The following CRACD variants were observed in gnomAD, a reference collection of about 807,000 sequenced individuals.
The protein encoded by CRACD is capping protein inhibiting regulator of actin dynamics, also known as capping protein-inhibiting regulator of actin dynamics.
Under a neutral mutation model 106.8 loss-of-function variants are expected in CRACD, and 56 were observed. That is an observed-to-expected ratio of 0.52 (90% CI 0.42 to 0.66). CRACD has a LOEUF of 0.66. Ranked by LOEUF, CRACD falls within the 30% of genes least tolerant of loss-of-function variation. CRACD has a pLI of 0.00. For missense variants in CRACD, 1,730 were observed against 1,623.2 expected (o/e 1.07, Z -1.13); for synonymous variants, 754 against 670.8 (o/e 1.12, Z -1.92).
At chr4:56,102,930 T>A (rs1279659068) in intron 1 of CRACD, among the ~76,000 whole-genome samples, 2 of 152,200 alleles carry the variant, frequency 1.3e-5, no homozygotes, top group East Asian at 3.9e-4. Flanking sequence ...CTTTCTGGAC[T>A]CCCCTACTTT....
intron 2 of CRACD, among the ~76,000 whole-genome samples, chr4:56,255,007 G>A (rs1031505748): frequency 4.6e-5 from 7 of 150,870 alleles, no homozygotes; most frequent in South Asian, 2.1e-4. Context: ...CCAGCTACTC[G>A]GGAGACTGAG....
At chr4:56,073,878 G>A (rs1049956983) in intron 1 of CRACD, among the ~76,000 whole-genome samples, 1 of 152,118 alleles carries the variant, frequency 6.6e-6, no homozygotes, top group Admixed American at 6.6e-5. Context: ...GTTAATTTTT[G>A]TATAAGGTGT....
At chr4:56,205,237 C>T (rs1216243627) in intron 2 of CRACD, among the ~76,000 whole-genome samples, 1 of 152,108 alleles carries the variant, frequency 6.6e-6, no homozygotes, top group Non-Finnish European at 1.5e-5. Context: ...GTAATGCGTA[C>T]ACCCAGAAAG....
chr4:56,265,656 A>T (rs193092303), intron 2 of CRACD, among the ~76,000 whole-genome samples: 11 of 152,300 alleles, frequency 7.2e-5, no homozygotes, highest in Admixed American at 7.2e-4. Context: ...CGATAACAGC[A>T]TATTAAAGAC....
intron 1 of CRACD, among the ~76,000 whole-genome samples, chr4:56,100,955 A>G (rs1432659856): frequency 6.6e-6 from 1 of 152,192 alleles, no homozygotes; most frequent in East Asian, 1.9e-4. Context: ...TAAAACCTCA[A>G]CTTGGATTAA....
chr4:56,257,526 GA>G (rs533700935), intron 2 of CRACD, among the ~76,000 whole-genome samples: 74,445 of 123,054 alleles, frequency 0.6, 20,652 homozygotes, highest in East Asian at 0.83. Context: ...TGTCTCTACA[GA>G]AAAAAAAAAA....
At chr4:56,052,496 C>T (rs766813252) in intron 1 of CRACD, among the ~76,000 whole-genome samples, 2 of 152,184 alleles carry the variant, frequency 1.3e-5, no homozygotes, top group Non-Finnish European at 1.5e-5. Flanking sequence ...TGGTTTACAA[C>T]ATCAATTGGA....
At chr4:56,308,515 G>C (rs936004000) in intron 5 of CRACD, among the ~76,000 whole-genome samples, 1 of 151,872 alleles carries the variant, frequency 6.6e-6, no homozygotes, top group East Asian at 1.9e-4. Flanking sequence ...CATTCTCTAG[G>C]CTCTGCCTAT....
intron 5 of CRACD, 137 bp downstream of exon 5, chr4:56,307,836 T>C (rs1357197491): frequency 3.4e-5 from 27 of 790,278 alleles, no homozygotes; most frequent in Non-Finnish European, 4.2e-5. Context: ...TTGAGGGCAC[T>C]TCCTGGTAGG....
At chr4:56,174,429 G>A (rs942874365) in intron 1 of CRACD, among the ~76,000 whole-genome samples, 6 of 151,938 alleles carry the variant, frequency 3.9e-5, no homozygotes, top group South Asian at 2.1e-4. Flanking sequence ...TCAACTCCTC[G>A]TCATCCCCCT....
Position 56,172,000 on chromosome 4 carries a change from G to A in CRACD, c.-335-7284G>A, listed in dbSNP as rs76696605. 1.7e-4 allele frequency among the ~76,000 whole-genome samples: 25 copies of A among 145,968 alleles called. No individual in the cohort carries two copies. The East Asian group carries it at 4.9e-3, about 29-fold the overall frequency. On this transcript the variant is annotated intron_variant, in intron 1 of 10. Transcript: ENST00000682029. Reference sequence around the variant, plus strand: ...TTCTGTACTCCTGCTGGTGCGTGGAGGTATCTTTTGAGGGTTTCTCTTTTT... The same window carrying A: ...TTCTGTACTCCTGCTGGTGCGTGGAAGTATCTTTTGAGGGTTTCTCTTTTT...
At chr4:56,266,102 T>C (rs1028025870) in intron 2 of CRACD, among the ~76,000 whole-genome samples, 6 of 151,762 alleles carry the variant, frequency 4.0e-5, no homozygotes, top group African/African-American at 1.2e-4. Context: ...TATTGGATGA[T>C]GAAAATAAAT....
At chr4:56,196,264 T>A (rs907062956) in intron 2 of CRACD, 1 of 152,746 alleles carries the variant, frequency 6.5e-6, no homozygotes, top group Non-Finnish European at 1.5e-5. Context: ...CAGGACAGAA[T>A]TGATAACAGT....
chr4:56,317,108 G>A (rs1745725933), intron 8 of CRACD, among the ~76,000 whole-genome samples: 1 of 152,188 alleles, frequency 6.6e-6, no homozygotes, highest in Admixed American at 6.5e-5. Flanking sequence ...GCCTATGTTA[G>A]ATACTAGGGA....
At chr4:56,260,822 G>A (rs1015785210) in intron 2 of CRACD, among the ~76,000 whole-genome samples, 2 of 152,072 alleles carry the variant, frequency 1.3e-5, no homozygotes, top group Non-Finnish European at 2.9e-5. Context: ...CTTGGTATGA[G>A]CCAACTCCTT....
At chr4:56,257,423 C>T (rs970101777) in intron 2 of CRACD, among the ~76,000 whole-genome samples, 3 of 151,324 alleles carry the variant, frequency 2.0e-5, no homozygotes, top group Middle Eastern at 6.8e-3. Flanking sequence ...GGTGCAGTGG[C>T]TAACACCTGT....
intron 1 of CRACD, among the ~76,000 whole-genome samples, chr4:56,122,279 A>G (rs1404709776): frequency 1.3e-5 from 2 of 151,948 alleles, no homozygotes; most frequent in Non-Finnish European, 2.9e-5. Context: ...TAAGAGAAGA[A>G]ATAAAGCATA....
chr4:56,263,384 C>T (rs1332002659), intron 2 of CRACD, among the ~76,000 whole-genome samples: 1 of 152,138 alleles, frequency 6.6e-6, no homozygotes, highest in Non-Finnish European at 1.5e-5. Flanking sequence ...TAACAAAGTA[C>T]CACAGACTAG....
intron 2 of CRACD, among the ~76,000 whole-genome samples, chr4:56,239,848 T>TA (rs1740260420): frequency 6.6e-6 from 1 of 152,102 alleles, no homozygotes; most frequent in African/African-American, 2.4e-5. Context: ...AGCTTTATCT[T>TA]ATAATTACCT....
Sources: allele counts gnomAD v4.1 joint callset (sites outside exome capture counted in the v4.1 genomes callset), GRCh38; gene constraint gnomAD v4.1.1; transcripts MANE v1.5; gene names NCBI Gene and HGNC (gene_info 2026-07-23, HGNC 2026-07-21).